FHIT: variants seen among roughly 807,000 people sequenced by gnomAD.
FHIT encodes the protein bis(5'-adenosyl)-triphosphatase.
Under a neutral mutation model 17.9 loss-of-function variants are expected in FHIT, and 19 were observed. The observed-to-expected ratio is 1.06, with a 90% CI of 0.74 to 1.56. FHIT has a LOEUF of 1.56. Ranked by LOEUF, FHIT falls within the 40% of genes most tolerant of loss-of-function variation. The probability of loss-of-function intolerance (pLI) is 0.00; values close to 1 mark genes in which losing one functional copy is unlikely to be tolerated. For missense variants in FHIT, 248 were observed against 189.2 expected (o/e 1.31, Z -1.82); for synonymous variants, 81 against 69.7 (o/e 1.16, Z -0.81).
chr3:60,130,789 G>GTGTGTGTATA (rs1559660689), intron 5 of FHIT, among the ~76,000 whole-genome samples: 126 of 136,096 alleles, frequency 9.3e-4, no homozygotes, highest in African/African-American at 3.2e-3. Context: ...TGTGTGGTGT[G>GTGTGTGTATA]TATATACACA....
chr3:60,736,073 A>C (rs114593750), intron 4 of FHIT, among the ~76,000 whole-genome samples: 2,895 of 152,310 alleles, frequency 0.019, 96 homozygotes, highest in African/African-American at 0.066. Context: ...CAAGAAGGAA[A>C]TGCAAATCAG....
At chr3:60,052,237 A>T (rs116137982) in intron 5 of FHIT, among the ~76,000 whole-genome samples, 1 of 152,174 alleles carries the variant, frequency 6.6e-6, no homozygotes, top group African/African-American at 2.4e-5. Flanking sequence ...AAGCAACAGC[A>T]TTAATTCTAG....
intron 3 of FHIT, among the ~76,000 whole-genome samples, chr3:60,866,154 T>A (rs1559786416): frequency 6.6e-6 from 1 of 152,218 alleles, no homozygotes; most frequent in African/African-American, 2.4e-5. Context: ...CTGGAAGGAA[T>A]GTACTTGATA....
intron 8 of FHIT, among the ~76,000 whole-genome samples, chr3:59,876,119 G>A (rs990089445): frequency 1.3e-5 from 2 of 151,958 alleles, no homozygotes; most frequent in Non-Finnish European, 2.9e-5. Flanking sequence ...TCATATGCCT[G>A]TATTTAATGC....
chr3:60,866,480 A>G (rs1704165751), intron 3 of FHIT, among the ~76,000 whole-genome samples: 1 of 152,098 alleles, frequency 6.6e-6, no homozygotes, highest in Non-Finnish European at 1.5e-5. Context: ...CCTCCCACCA[A>G]TACTCTCCAT....
intron 2 of FHIT, among the ~76,000 whole-genome samples, chr3:61,051,887 A>C (rs2034042109): frequency 6.6e-6 from 1 of 152,218 alleles, no homozygotes; most frequent in Non-Finnish European, 1.5e-5. Flanking sequence ...AAGAATGCAC[A>C]TCTGTTCCCT....
At chr3:59,772,681 G>T (rs1702126672) in intron 8 of FHIT, among the ~76,000 whole-genome samples, 1 of 152,284 alleles carries the variant, frequency 6.6e-6, no homozygotes. Context: ...ATCCTAACGA[G>T]AAGGCAAAAG....
rs558218664 is a variant in FHIT, at chr3:60,232,785, T to C, written c.104-218633A>G. 2.0e-5 allele frequency among the ~76,000 whole-genome samples: 3 copies of C among 152,330 alleles called. No homozygotes were observed. The East Asian group carries it at 5.8e-4, about 29-fold the overall frequency. On this transcript the variant is annotated intron_variant, in intron 5 of 9. Transcript: ENST00000492590. ...TGAGTGATCTCCTGGCTTCCACTCC[T>C]GCCCCTCTAAAGCCATGTCATATAC... is the stretch of plus-strand genomic sequence containing the variant.
chr3:59,928,126 C>T (rs1192479344), intron 7 of FHIT, among the ~76,000 whole-genome samples: 2 of 152,214 alleles, frequency 1.3e-5, no homozygotes, highest in Non-Finnish European at 2.9e-5. Context: ...GTGAATCCTT[C>T]TCCCTCACAT....
intron 5 of FHIT, among the ~76,000 whole-genome samples, chr3:60,507,025 T>C (rs2034760677): frequency 1.3e-5 from 2 of 152,130 alleles, no homozygotes; most frequent in African/African-American, 4.8e-5. Context: ...TCTCATAGTC[T>C]AGAGGAAGAA....
At chr3:60,257,726 G>C (rs1231710261) in intron 5 of FHIT, among the ~76,000 whole-genome samples, 1 of 152,184 alleles carries the variant, frequency 6.6e-6, no homozygotes. Flanking sequence ...AAAAAGGAAT[G>C]AGATCATGTC....
At position 60,812,175 on chromosome 3, in the gene FHIT, CTT is replaced by C. The variant is rs34243612; in HGVS notation, c.-18+9742_-18+9743del. 7.2e-4 allele frequency among the ~76,000 whole-genome samples: 98 copies of C among 137,032 alleles called. 1 individual carries two copies. The highest frequency in any genetic ancestry group is 8.5e-4 in the East Asian group (4 of 4,704). 89.9% of individuals were successfully genotyped at this position (137,032 alleles called of 152,430 possible). The stretch of plus-strand genomic sequence containing the variant: ...AACATGTCTATTGGAAATACAGACT[CTT>C]TTTTTTTTTTTTTTGAGACAGAGTC... On this transcript the variant is annotated intron_variant, in intron 4 of 9. Coordinates refer to ENST00000492590, the MANE Select transcript of FHIT (RefSeq NM_002012.4).
At chr3:60,415,973 C>G (rs1024207776) in intron 5 of FHIT, among the ~76,000 whole-genome samples, 1 of 149,304 alleles carries the variant, frequency 6.7e-6, no homozygotes, top group African/African-American at 2.4e-5. Context: ...TAATAGCTTA[C>G]ATATTTTTGA....
At chr3:59,862,474 A>G (rs1175519884) in intron 8 of FHIT, among the ~76,000 whole-genome samples, 1 of 152,220 alleles carries the variant, frequency 6.6e-6, no homozygotes, top group Non-Finnish European at 1.5e-5. Context: ...ATGACCATCC[A>G]GCAAGACTCA....
chr3:59,809,180 T>A (rs149975978), intron 8 of FHIT, among the ~76,000 whole-genome samples: 98 of 152,232 alleles, frequency 6.4e-4, no homozygotes, highest in Admixed American at 1.3e-3. Context: ...GTGACCTTAT[T>A]TGGAAAGAGG....
intron 5 of FHIT, among the ~76,000 whole-genome samples, chr3:60,236,975 A>C (rs981375242): frequency 5.9e-5 from 9 of 152,150 alleles, no homozygotes; most frequent in Admixed American, 2.6e-4. Flanking sequence ...TCTCAGAGAT[A>C]GATAGTCCCA....
intron 4 of FHIT, among the ~76,000 whole-genome samples, chr3:60,779,680 C>T (rs1262469198): frequency 2.6e-5 from 4 of 152,072 alleles, no homozygotes; most frequent in Non-Finnish European, 5.9e-5. Flanking sequence ...AATGCCCCAT[C>T]CGAGATACAT....
intron 5 of FHIT, among the ~76,000 whole-genome samples, chr3:60,025,591 T>G (rs1019176797): frequency 6.6e-6 from 1 of 152,226 alleles, no homozygotes. Context: ...GAAGTCATTT[T>G]AATCTGATTC....
intron 7 of FHIT, among the ~76,000 whole-genome samples, chr3:59,981,389 G>A (rs1237818750): frequency 2.0e-5 from 3 of 152,112 alleles, no homozygotes; most frequent in African/African-American, 4.8e-5. Context: ...AAGGCAAAGG[G>A]CCTTCTGAAA....
Sources: allele counts gnomAD v4.1 joint callset (sites outside exome capture counted in the v4.1 genomes callset), GRCh38; gene constraint gnomAD v4.1.1; transcripts MANE v1.5; gene names NCBI Gene and HGNC (gene_info 2026-07-23, HGNC 2026-07-21).